The following FH variants were observed in gnomAD, a reference collection of about 807,000 sequenced individuals.
The protein encoded by FH is fumarate hydratase, mitochondrial.
A neutral mutation model predicts 49.4 loss-of-function variants in FH; 22 were observed. The ratio of observed to expected loss-of-function variants is 0.45; its 90% CI spans 0.32 to 0.64. The LOEUF is 0.64. FH is among the 30% of genes least tolerant of loss of function. The pLI is 0.05. For synonymous variants in FH, 208 were observed against 223.0 expected (o/e 0.93, Z 0.60); for missense variants, 526 against 641.5 (o/e 0.82, Z 1.95).
chr1:241,510,432 T>A (rs1366486479), intron 4 of FH, among the ~76,000 whole-genome samples: 2 of 152,122 alleles, frequency 1.3e-5, no homozygotes, highest in Non-Finnish European at 2.9e-5. Context: ...AACAAAAGTA[T>A]GGGATCATAA....
chr1:241,498,737 A>ATATATATATATATATATATATATATG (rs1659691977), intron 9 of FH, among the ~76,000 whole-genome samples: 1 of 103,704 alleles, frequency 9.6e-6, no homozygotes, highest in African/African-American at 3.4e-5. Context: ...ATATATATAT[A>ATATATATATATATATATATATATATG]TATATGTCAA....
intron 4 of FH, among the ~76,000 whole-genome samples, chr1:241,510,057 C>T (rs2147920565): frequency 1.3e-5 from 2 of 152,248 alleles, no homozygotes; most frequent in East Asian, 3.9e-4. Context: ...AGACTTCAGA[C>T]TTCAGTATAT....
rs1660246440 is a variant in FH at position 241,517,306 on chromosome 1, T to A, written c.143A>T (p.Asn48Ile). 2 of 1,614,076 alleles carry A rather than the reference T, an allele frequency of 1.2e-6. No individual in the cohort carries two copies. Among genetic ancestry groups the A allele is most frequent in the Middle Eastern group, 3.3e-4 (2 of 6,060 alleles). The change falls in exon 2 of 10, where the codon AAT (asparagine) becomes ATT (isoleucine). Residue 48 changes from asparagine to isoleucine, a missense_variant. By Grantham distance (149) the Asn-to-Ile change is moderately radical. This residue lies in a region of FH where 143 missense variants were observed against 127.5 expected (regional missense o/e 1.12). Transcript: ENST00000366560. ...PPNAARMASQNSFRIEYDTFG... is the reference protein window; with the variant it reads ...PPNAARMASQISFRIEYDTFG... ...GGTATCATATTCTATCCGGAAGGAA[T>A]TTTGGCTTGCCTAAAGACAAGAATA...
rs1190517872 is a variant in FH at position 241,500,494 on chromosome 1, T to A, written c.1333A>T (p.Ile445Phe). 6.2e-7 allele frequency: 1 copy of A among 1,614,028 alleles called. No individual in the cohort carries two copies. Among genetic ancestry groups the A allele is most frequent in the Admixed American group, 1.7e-5 (1 of 60,016 alleles). Residue 445 changes from isoleucine (I) to phenylalanine (F), a missense_variant, in exon 9 of 10, where the codon ATC becomes TTC. Physicochemically the swap from Ile to Phe is conservative, Grantham distance 21. Around this residue, in one of 2 missense-constraint regions of FH, gnomAD observed 383 missense variants for 514.0 expected, o/e 0.75. Transcript: ENST00000366560. ...VVGIQANTER[I>F]NKLMNESLML... ...AGAGACTCATTCATCAGCTTGTTGA[T>A]CCTTTCTGTATTGGCCTGGATTCCC...
In FH at chr1:241,506,047, A is replaced by C; in HGVS notation, c.860T>G (p.Ile287Ser). ...TAVGTGLNTR[I>S]GFAEKVAAKV... ...TGCAGCAACCTTTTCTGCAAAGCCA[A>C]TTCTAGTATTTAAACCTGTACCAAC... is the stretch of plus-strand genomic sequence containing the variant. Residue 287 changes from isoleucine (I) to serine (S), a missense_variant, in exon 6 of 10, where the codon ATT becomes AGT. Coordinates refer to ENST00000366560, the MANE Select transcript of FH (RefSeq NM_000143.4). The C allele has an allele frequency of 4.3e-6, 7 of 1,614,050 alleles. No individual in the cohort carries two copies. Among genetic ancestry groups the C allele is most frequent in the Non-Finnish European group, 5.9e-6 (7 of 1,179,952 alleles).
At chr1:241,499,852 T>C (rs1016741942) in intron 9 of FH, among the ~76,000 whole-genome samples, 15 of 152,226 alleles carry the variant, frequency 9.9e-5, no homozygotes, top group African/African-American at 3.6e-4. Context: ...TCTGTATGTT[T>C]GATTCTACAT....
Position 241,503,945 on chromosome 1 carries a change from C to T in FH, c.1108+97G>A, listed in dbSNP as rs190353292. ...ACAGTGCGCCTTGCGCATCCAGCTGCGGGATAACTTTAAACAAAGAGAGAC... is the reference window on the plus strand; with the variant it reads ...ACAGTGCGCCTTGCGCATCCAGCTGTGGGATAACTTTAAACAAAGAGAGAC... On this transcript the variant is annotated intron_variant, in intron 7 of 9. Transcript: ENST00000366560. The T allele has an allele frequency of 2.4e-5, 31 of 1,305,174 alleles. 2 individuals carry two copies. Among genetic ancestry groups the T allele is most frequent in the Admixed American group, 1.6e-4 (8 of 50,964 alleles). The allele number at this position is 1,305,174 out of a possible 1,614,324, so 80.8% of individuals were successfully genotyped here. A position where few individuals can be genotyped will look rare whatever the true frequency, so the allele number is the denominator to read the frequency against.
intron 2 of FH, among the ~76,000 whole-genome samples, chr1:241,514,713 C>A (rs1471818807): frequency 6.6e-6 from 1 of 151,906 alleles, no homozygotes; most frequent in African/African-American, 2.4e-5. Context: ...AGCTGAGGGT[C>A]AAATAGAAAA....
chr1:241,501,172 T>C (rs1659771701), intron 8 of FH, among the ~76,000 whole-genome samples: 1 of 152,164 alleles, frequency 6.6e-6, no homozygotes, highest in Admixed American at 6.5e-5. Context: ...AATCAATTAG[T>C]TTGTTTTGGC....
intron 3 of FH, among the ~76,000 whole-genome samples, chr1:241,513,101 T>G (rs1660132175): frequency 1.3e-5 from 2 of 152,170 alleles, no homozygotes; most frequent in Non-Finnish European, 1.5e-5. Flanking sequence ...ATAAATATAA[T>G]TTATATAAGT....
intron 3 of FH, among the ~76,000 whole-genome samples, chr1:241,512,500 A>C (rs2147922302): frequency 6.6e-6 from 1 of 152,310 alleles, no homozygotes. Flanking sequence ...ATGAGCTAGT[A>C]ACTTGAAAAT....
chr1:241,498,663 G>A (rs1659683797), intron 9 of FH, among the ~76,000 whole-genome samples: 1 of 133,692 alleles, frequency 7.5e-6, no homozygotes, highest in South Asian at 2.4e-4. Flanking sequence ...TAATAAAAGT[G>A]GGGGCAGGGC....
chr1:241,513,035 A>G (rs11810820), intron 3 of FH, among the ~76,000 whole-genome samples: 3 of 152,126 alleles, frequency 2.0e-5, no homozygotes, highest in South Asian at 2.1e-4. Flanking sequence ...TATTTCTCAT[A>G]GGCTAGGCTT....
intron 6 of FH, among the ~76,000 whole-genome samples, chr1:241,504,711 G>A (rs188046831): frequency 3.9e-5 from 6 of 151,984 alleles, no homozygotes; most frequent in African/African-American, 1.2e-4. Context: ...TGAAGTGCTG[G>A]AATTACAGGA....
At chr1:241,498,564 G>C (rs1303622344) in intron 9 of FH, among the ~76,000 whole-genome samples, 1 of 150,980 alleles carries the variant, frequency 6.6e-6, no homozygotes, top group Non-Finnish European at 1.5e-5. Flanking sequence ...GACATTACAG[G>C]GACACAAATA....
intron 6 of FH, among the ~76,000 whole-genome samples, chr1:241,505,064 A>C (rs900198643): frequency 7.9e-5 from 12 of 151,368 alleles, no homozygotes; most frequent in Admixed American, 2.0e-4. Context: ...GCCCGCCACC[A>C]TGCCCGGCTA....
rs941921568 is a variant in FH, at chr1:241,519,714, T to G, written c.9A>C (p.Arg3=). The change falls in exon 1 of 10, where the codon CGA becomes CGC. Residue 3 remains arginine (R), a synonymous_variant. Transcript: ENST00000366560. MY[R]ALRLLARSRP... ...GCGAGCGCGCGAGGAGCCGAAGTGC[T>G]CGGTACATGGTGCTGAGGGAGCTTG... 1.9e-6 allele frequency: 3 copies of G among 1,546,696 alleles called. No homozygotes were observed. The highest frequency in any genetic ancestry group is 2.7e-5 in the African/African-American group (2 of 72,744).
rs771087739 is a variant in FH at position 241,506,033 on chromosome 1, T to G, written c.874A>C (p.Lys292Gln). The change falls in exon 6 of 10, where the codon AAG becomes CAG. Residue 292 changes from lysine to glutamine, a missense_variant. Physicochemically the swap from Lys to Gln is moderately conservative, Grantham distance 53. Around this residue, in one of 2 missense-constraint regions of FH, gnomAD observed 383 missense variants for 514.0 expected, o/e 0.75. Coordinates refer to ENST00000366560, the MANE Select transcript of FH (RefSeq NM_000143.4). ...GLNTRIGFAE[K>Q]VAAKVAALTG... Reference sequence around the variant, plus strand: ...AGTGCAGCCACTTTTGCAGCAACCTTTTCTGCAAAGCCAATTCTAGTATTT... The same window carrying G: ...AGTGCAGCCACTTTTGCAGCAACCTGTTCTGCAAAGCCAATTCTAGTATTT... 1.2e-6 allele frequency: 2 copies of G among 1,614,014 alleles called. No individual in the cohort carries two copies. The highest frequency in any genetic ancestry group is 3.3e-5 in the Admixed American group (2 of 60,014).
At chr1:241,499,417 C>T (rs1225392159) in intron 9 of FH, among the ~76,000 whole-genome samples, 1 of 152,138 alleles carries the variant, frequency 6.6e-6, no homozygotes, top group Non-Finnish European at 1.5e-5. Flanking sequence ...CTCTGGGTTC[C>T]CCTTTGTGTT....
Sources: allele counts gnomAD v4.1 joint callset (sites outside exome capture counted in the v4.1 genomes callset), GRCh38; gene constraint gnomAD v4.1.1; regional missense constraint gnomAD v4.1.1; transcripts MANE v1.5; gene names NCBI Gene and HGNC (gene_info 2026-07-23, HGNC 2026-07-21).